SPATA21: variants seen among roughly 807,000 people sequenced by gnomAD.
The protein encoded by SPATA21 is spermatogenesis associated 21, also known as spermatogenesis-associated protein 21.
A neutral mutation model predicts 54.8 loss-of-function variants in SPATA21; 47 were observed. The observed-to-expected ratio is 0.86, with a 90% CI of 0.68 to 1.09. The LOEUF is 1.09. SPATA21 is among the 50% of genes least tolerant of loss of function. SPATA21 has a pLI of 0.00. For missense variants in SPATA21, 599 were observed against 596.4 expected, an observed-to-expected ratio of 1.00 and a Z score of -0.05; for synonymous variants, 245 against 235.3, an observed-to-expected ratio of 1.04 and a Z score of -0.38.
At chr1:16,424,234 A>C (rs1570191625) in intron 3 of SPATA21, among the ~76,000 whole-genome samples, 1 of 1,638 alleles carries the variant, frequency 6.1e-4, no homozygotes, top group African/African-American at 3.0e-3. Context: ...AATGGCATGA[A>C]CCTGGGAGGC....
At chr1:16,417,448 T>G (rs1174718196) in intron 5 of SPATA21, among the ~76,000 whole-genome samples, 1 of 150,560 alleles carries the variant, frequency 6.6e-6, no homozygotes, top group Non-Finnish European at 1.5e-5. Context: ...CTTTTTTTTT[T>G]TTTTTTTGAG....
At chr1:16,424,902 A>G (rs531059433) in intron 3 of SPATA21, 51 of 283,606 alleles carry the variant, frequency 1.8e-4, no homozygotes, top group South Asian at 1.6e-3. Context: ...CACTCTGGAA[A>G]CAAGACTTAT....
intron 5 of SPATA21, among the ~76,000 whole-genome samples, chr1:16,411,902 T>C (rs185010643): frequency 3.9e-5 from 6 of 152,098 alleles, no homozygotes; most frequent in Admixed American, 1.3e-4. Context: ...AAGCGTTGGC[T>C]GTCCTGACTC....
At chr1:16,400,914 A>C (rs1274042062) in intron 10 of SPATA21, 22 bp from the exon 11 acceptor site, 20 of 1,606,902 alleles carry the variant, frequency 1.2e-5, no homozygotes, top group Non-Finnish European at 1.7e-5. Context: ...GTGCCCACCC[A>C]TCTCAGCCTG....
intron 2 of SPATA21, 100 bp from the exon 3 acceptor site, chr1:16,431,522 G>A: frequency 8.6e-7 from 1 of 1,158,112 alleles, no homozygotes; most frequent in East Asian, 2.5e-5. Flanking sequence ...CTGGCTCGAG[G>A]GAAGAGGCGG....
chr1:16,402,904 C>T (rs1357821722), intron 10 of SPATA21, among the ~76,000 whole-genome samples: 1 of 152,122 alleles, frequency 6.6e-6, no homozygotes, highest in Non-Finnish European at 1.5e-5. Context: ...TCAGCCTGGG[C>T]GACAGAGCGA....
rs183195743 is a variant in SPATA21 at position 16,400,592 on chromosome 1, C to T, written c.1174+128G>A. On this transcript the variant is annotated intron_variant, in intron 11 of 12. Coordinates refer to ENST00000335496, the MANE Select transcript of SPATA21 (RefSeq NM_198546.1). Reference sequence around the variant, plus strand: ...CTGTTTTCTGATGTACACAGTTAAGCCCGAAGTGGGAAACTGGCCTCTCAG... The same window carrying T: ...CTGTTTTCTGATGTACACAGTTAAGTCCGAAGTGGGAAACTGGCCTCTCAG... 4.4e-4 allele frequency: 652 copies of T among 1,493,650 alleles called. No individual in the cohort carries two copies. In the African/African-American group the frequency reaches 8.4e-3, roughly 19 times the overall value. The allele number at this position is 1,493,650 out of a possible 1,614,324, so 92.5% of individuals were successfully genotyped here. A position where few individuals can be genotyped will look rare whatever the true frequency, so the allele number is the denominator to read the frequency against.
In SPATA21 at chr1:16,409,643, A is replaced by G. The variant is rs146290198; in HGVS notation, c.545T>C (p.Leu182Ser). Residue 182 changes from leucine (L) to serine (S), a missense_variant, in exon 6 of 13, where the codon TTG (leucine) becomes TCG (serine). Transcript: ENST00000335496. This position sits in a 1 kb window ranked among gnomAD's most constrained non-coding sequence, Gnocchi z 4.1. ...CAGGGTTCTCTCGCTGCTCTGGTGC[A>G]AGAGTTCCATCCTTCTCCAGCCCAG... ...LDLGWRRMEL[L>S]HQSSERTLSY... The G allele has an allele frequency of 0.012, 19,232 of 1,613,060 alleles. 192 individuals carry two copies. The highest frequency in any genetic ancestry group is 0.034 in the South Asian group (3,128 of 91,012).
At chr1:16,404,157 C>T in intron 8 of SPATA21, 118 bp from the exon 9 acceptor site, 1 of 819,462 alleles carries the variant, frequency 1.2e-6, no homozygotes, top group South Asian at 1.5e-5. Flanking sequence ...AGTGCATACT[C>T]AATGCAGAAA....
At chr1:16,398,327 C>T (rs1390964590), downstream of SPATA21, among the ~76,000 whole-genome samples, 2 of 152,022 alleles carry the variant, frequency 1.3e-5, no homozygotes, top group Non-Finnish European at 2.9e-5. Context: ...AGAATGAGAG[C>T]CCTGGGTCCT....
At chr1:16,436,434 G>A (rs115495521) in intron 1 of SPATA21, among the ~76,000 whole-genome samples, 4,019 of 150,734 alleles carry the variant, frequency 0.027, 190 homozygotes, top group African/African-American at 0.09. Flanking sequence ...ATACTGCTCA[G>A]GTGATGGGTG....
intron 5 of SPATA21, chr1:16,410,636 C>G (rs2085812628): frequency 1.0e-5 from 2 of 196,078 alleles, no homozygotes; most frequent in South Asian, 1.3e-4. Flanking sequence ...GTCTCCAACT[C>G]CTGACCTCAC....
At chr1:16,400,996 C>T in intron 10 of SPATA21, 104 bp from the exon 11 acceptor site, 1 of 1,402,842 alleles carries the variant, frequency 7.1e-7, no homozygotes, top group Non-Finnish European at 9.6e-7. Context: ...GAACACAAGC[C>T]TAGGAGTCAG....
chr1:16,403,636 A>T (rs1478039703), intron 10 of SPATA21, 91 bp downstream of exon 10: 12 of 1,140,010 alleles, frequency 1.1e-5, no homozygotes, highest in Non-Finnish European at 1.6e-5. Context: ...TGTGACTAAA[A>T]GTCGTAACTA....
At chr1:16,427,761 A>G (rs1295598143) in intron 3 of SPATA21, 2 of 1,296,252 alleles carry the variant, frequency 1.5e-6, no homozygotes, top group Non-Finnish European at 2.1e-6. Flanking sequence ...TCGTGGGTGG[A>G]GCTGCCTTGG....
At chr1:16,400,237 G>A (rs557372611) in intron 11 of SPATA21, among the ~76,000 whole-genome samples, 5 of 152,168 alleles carry the variant, frequency 3.3e-5, no homozygotes, top group Admixed American at 1.3e-4. Flanking sequence ...GGATGGTCTC[G>A]AACTTCTGAC....
In SPATA21 at chr1:16,409,940, T is replaced by C. The variant is rs751584538; in HGVS notation, c.248A>G (p.Gln83Arg). 7.4e-6 allele frequency: 12 copies of C among 1,613,812 alleles called. No homozygotes were observed. The highest frequency in any genetic ancestry group is 1.0e-5 in the Non-Finnish European group (12 of 1,179,864). ...AGTQSLGNFR[Q>R]GFMKCLLEVE... ...CTCCAGCAAGCACTTCATGAAGCCC[T>C]GCCGGAAGTTCCCGAGGCTCTGTGT... Residue 83 changes from glutamine (Q) to arginine (R), a missense_variant, in exon 6 of 13, where the codon CAG (glutamine) becomes CGG (arginine). Physicochemically the swap from Gln to Arg is conservative, Grantham distance 43 (BLOSUM62 1). Transcript: ENST00000335496. The surrounding 1 kb of genome is among the most constrained non-coding windows in gnomAD (Gnocchi z 4.1).
chr1:16,421,918 T>G lies in SPATA21; in HGVS notation c.88A>C (p.Lys30Gln). Residue 30 changes from lysine (K) to glutamine (Q), a missense_variant, in exon 4 of 13, where the codon AAA (lysine) becomes CAA (glutamine). Lys to Gln is a moderately conservative substitution (Grantham distance 53). Coordinates refer to ENST00000335496, the MANE Select transcript of SPATA21 (RefSeq NM_198546.1). This position sits in a 1 kb window ranked among gnomAD's most constrained non-coding sequence, Gnocchi z 5.2. The part of the protein sequence containing the change: ...LPSTPGPKKA[K>Q]GGGEAVETHP... ...CACTGGATGATGACTTACCCTCCTT[T>G]TGCTTTTTTAGGTCCAGGCGTGGAT... is the stretch of plus-strand genomic sequence containing the variant. 1 of 1,614,152 alleles carries G rather than the reference T, an allele frequency of 6.2e-7. No homozygotes were observed. The highest frequency in any genetic ancestry group is 1.1e-5 in the South Asian group (1 of 91,076).
At chr1:16,412,944 C>T (rs766072336) in intron 5 of SPATA21, among the ~76,000 whole-genome samples, 4 of 152,128 alleles carry the variant, frequency 2.6e-5, no homozygotes, top group South Asian at 2.1e-4. Context: ...CTACCATACC[C>T]GGCTAGTTTT....
Sources: gnomAD v4.1 joint callset for allele counts (sites outside exome capture counted in the v4.1 genomes callset) on GRCh38, gnomAD v4.1.1 for gene constraint, Gnocchi (gnomAD v3.1) non-coding constraint, MANE v1.5 for transcripts, NCBI Gene and HGNC (gene_info 2026-07-23, HGNC 2026-07-21) for gene names.